ZBTB38: variants seen among roughly 807,000 people sequenced by gnomAD.
ZBTB38 encodes the protein zinc finger and BTB domain-containing protein 38.
A neutral mutation model predicts 76.8 loss-of-function variants in ZBTB38; 20 were observed. The ratio of observed to expected loss-of-function variants is 0.26; its 90% confidence interval spans 0.18 to 0.38. ZBTB38 has a LOEUF of 0.38. ZBTB38 is among the 10% of genes least tolerant of loss of function. ZBTB38 has a pLI of 1.00. For missense variants in ZBTB38, 1,082 were observed against 1,482.3 expected (o/e 0.73, Z 4.43); for synonymous variants, 504 against 544.2 (o/e 0.93, Z 1.03).
chr3:141,378,007 A>G (rs1291715824), intron 2 of ZBTB38, among the ~76,000 whole-genome samples: 1 of 151,998 alleles, frequency 6.6e-6, no homozygotes, highest in African/African-American at 2.4e-5. Context: ...GGAGACCCGC[A>G]TCTCTACAAA....
intron 5 of ZBTB38, among the ~76,000 whole-genome samples, chr3:141,417,562 T>G (rs991796619): frequency 6.6e-6 from 1 of 151,550 alleles, no homozygotes; most frequent in Non-Finnish European, 1.5e-5. Context: ...TTCCCCTCTC[T>G]TTCATCCCCA....
intron 5 of ZBTB38, among the ~76,000 whole-genome samples, chr3:141,433,118 T>C (rs1405880822): frequency 6.6e-6 from 1 of 152,212 alleles, no homozygotes; most frequent in Non-Finnish European, 1.5e-5. Flanking sequence ...TGCATGACTG[T>C]GGGTGTGTCT....
At chr3:141,407,553 A>G (rs1954989651) in intron 5 of ZBTB38, among the ~76,000 whole-genome samples, 2 of 152,198 alleles carry the variant, frequency 1.3e-5, no homozygotes, top group Admixed American at 1.3e-4. Flanking sequence ...TTTAATTTTT[A>G]ATTTTATCAC....
At chr3:141,409,831 TGG>T (rs1956036870) in intron 5 of ZBTB38, among the ~76,000 whole-genome samples, 1 of 152,172 alleles carries the variant, frequency 6.6e-6, no homozygotes, top group Non-Finnish European at 1.5e-5. Flanking sequence ...AACTGCTCCT[TGG>T]GGGATTGCCC....
chr3:141,344,676 T>A (rs1178159650), intron 1 of ZBTB38, among the ~76,000 whole-genome samples: 1 of 152,198 alleles, frequency 6.6e-6, no homozygotes, highest in Non-Finnish European at 1.5e-5. Flanking sequence ...ACCCAGCTCT[T>A]CCATCTTCAA....
chr3:141,434,085 T>A (rs2078208970), intron 5 of ZBTB38: 1 of 478,378 alleles, frequency 2.1e-6, no homozygotes, highest in Non-Finnish European at 2.7e-6. Flanking sequence ...ATGAATCAGA[T>A]TGTCCCTGTA....
intron 5 of ZBTB38, among the ~76,000 whole-genome samples, chr3:141,418,073 C>A (rs73872720): frequency 0.13 from 19,973 of 152,088 alleles, 2,243 homozygotes; most frequent in African/African-American, 0.3. Flanking sequence ...GGACTAAACA[C>A]ATCAGAATCT....
chr3:141,437,673 A>G (rs1398655651), intron 5 of ZBTB38, among the ~76,000 whole-genome samples: 1 of 152,228 alleles, frequency 6.6e-6, no homozygotes, highest in Non-Finnish European at 1.5e-5. Flanking sequence ...AAGAGAAATT[A>G]AGGTATAAAA....
intron 1 of ZBTB38, among the ~76,000 whole-genome samples, chr3:141,338,470 AG>A (rs1396337781): frequency 9.9e-5 from 15 of 152,240 alleles, no homozygotes; most frequent in African/African-American, 3.6e-4. Context: ...AGCCATAAAA[AG>A]AATGAGATCA....
intron 3 of ZBTB38, among the ~76,000 whole-genome samples, chr3:141,384,569 C>T (rs1428365020): frequency 1.3e-5 from 2 of 152,212 alleles, no homozygotes; most frequent in African/African-American, 2.4e-5. Flanking sequence ...TCCCACCCCA[C>T]TCTAAGGACT....
chr3:141,340,521 T>A (rs1943141541), intron 1 of ZBTB38, among the ~76,000 whole-genome samples: 2 of 152,096 alleles, frequency 1.3e-5, no homozygotes, highest in South Asian at 4.1e-4. Context: ...ATATAAAAAC[T>A]CTTCAACTCA....
intron 3 of ZBTB38, among the ~76,000 whole-genome samples, chr3:141,384,288 C>T (rs1029936433): frequency 6.6e-6 from 1 of 152,248 alleles, no homozygotes; most frequent in African/African-American, 2.4e-5. Context: ...ACCACCCTTC[C>T]CTGTAAAGGG....
intron 5 of ZBTB38, among the ~76,000 whole-genome samples, chr3:141,428,506 A>G (rs1286857582): frequency 1.3e-5 from 2 of 151,724 alleles, no homozygotes; most frequent in Non-Finnish European, 2.9e-5. Flanking sequence ...TTTTTTTTAG[A>G]CGGAGTTTTG....
intron 2 of ZBTB38, among the ~76,000 whole-genome samples, chr3:141,376,186 G>C (rs577139403): frequency 6.6e-6 from 1 of 152,188 alleles, no homozygotes; most frequent in South Asian, 2.1e-4. Context: ...TGACTTTCAA[G>C]TTCTGCCTGG....
intron 5 of ZBTB38, among the ~76,000 whole-genome samples, chr3:141,434,776 G>A (rs976257328): frequency 4.0e-5 from 6 of 151,536 alleles, no homozygotes; most frequent in East Asian, 1.9e-4. Context: ...TTACATATTC[G>A]TACAATATAC....
At chr3:141,401,720 C>T (rs1952026518) in intron 4 of ZBTB38, among the ~76,000 whole-genome samples, 1 of 151,902 alleles carries the variant, frequency 6.6e-6, no homozygotes, top group South Asian at 2.1e-4. Flanking sequence ...GCATTAGCTC[C>T]ACATGGCCAG....
At chr3:141,409,077 C>T (rs891179374) in intron 5 of ZBTB38, among the ~76,000 whole-genome samples, 2 of 152,082 alleles carry the variant, frequency 1.3e-5, no homozygotes, top group Non-Finnish European at 2.9e-5. Context: ...CGGAGTTTTG[C>T]TCTTGTTGCC....
intron 2 of ZBTB38, among the ~76,000 whole-genome samples, chr3:141,373,158 C>A (rs535224734): frequency 4.6e-5 from 7 of 152,284 alleles, no homozygotes; most frequent in African/African-American, 1.7e-4. Flanking sequence ...TGTACAAACA[C>A]ACATTTTGTA....
chr3:141,370,363 T>TTCTACTCACATTCCATTGGCTAAAAC (rs1944366606), intron 2 of ZBTB38, among the ~76,000 whole-genome samples: 1 of 152,216 alleles, frequency 6.6e-6, no homozygotes. Flanking sequence ...TGCGTGTTAC[T>TTCTACTCACATTCCATTGGCTAAAAC]TCTACTCACA....
Sources: gnomAD v4.1 joint callset for allele counts (sites outside exome capture counted in the v4.1 genomes callset) on GRCh38, gnomAD v4.1.1 for gene constraint, MANE v1.5 for transcripts, NCBI Gene and HGNC (gene_info 2026-07-23, HGNC 2026-07-21) for gene names.